The following TFPI variants were observed in gnomAD, a reference collection of about 807,000 sequenced individuals.
The protein encoded by TFPI is tissue factor pathway inhibitor.
In TFPI, 15 loss-of-function variants were observed where a neutral mutation model predicts 34.6. That is an observed-to-expected ratio of 0.43 (90% CI 0.29 to 0.67). TFPI has a LOEUF of 0.67. Among genes scored for constraint, TFPI ranks in the 30% least tolerant of loss-of-function variants. TFPI has a pLI of 0.15. For synonymous variants in TFPI, 105 were observed against 120.1 expected, an observed-to-expected ratio of 0.87 and a Z score of 0.82; for missense variants, 301 against 364.0, an observed-to-expected ratio of 0.83 and a Z score of 1.41.
chr2:187,511,066 G>A (rs2349653), intron 1 of TFPI, among the ~76,000 whole-genome samples: 82,040 of 151,988 alleles, frequency 0.54, 23,770 homozygotes, highest in East Asian at 0.8. Flanking sequence ...CAGCTTGAGC[G>A]ATGCAGATCC....
At chr2:187,491,335 C>T (rs1333641075) in intron 3 of TFPI, among the ~76,000 whole-genome samples, 1 of 151,798 alleles carries the variant, frequency 6.6e-6, no homozygotes, top group African/African-American at 2.4e-5. Context: ...TTTCTCATTC[C>T]CCAGTTCCCT....
chr2:187,498,288 G>A (rs1179251223), intron 2 of TFPI, among the ~76,000 whole-genome samples: 1 of 151,644 alleles, frequency 6.6e-6, no homozygotes, highest in African/African-American at 2.4e-5. Flanking sequence ...TTCAAAATGT[G>A]AATTTTTTGA....
At chr2:187,539,343 A>T (rs2106293810) in intron 1 of TFPI, among the ~76,000 whole-genome samples, 1 of 152,260 alleles carries the variant, frequency 6.6e-6, no homozygotes, top group East Asian at 1.9e-4. Flanking sequence ...AAATATATTG[A>T]TGTTATTTTA....
intron 3 of TFPI, among the ~76,000 whole-genome samples, chr2:187,496,177 C>A (rs188737098): frequency 7.2e-5 from 11 of 152,054 alleles, no homozygotes; most frequent in Admixed American, 5.9e-4. Context: ...GATGATTTTT[C>A]TTTTCTATGG....
At chr2:187,507,635 T>C (rs1686318686) in intron 1 of TFPI, among the ~76,000 whole-genome samples, 1 of 152,330 alleles carries the variant, frequency 6.6e-6, no homozygotes, top group South Asian at 2.1e-4. Context: ...CCTGTTAATA[T>C]CCTTCGTCCA....
chr2:187,516,305 CAT>C (rs2106186129), intron 1 of TFPI: 1 of 152,314 alleles, frequency 6.6e-6, no homozygotes, highest in African/African-American at 2.4e-5. Flanking sequence ...AAAACTGGCA[CAT>C]GTGCCCTTGC....
chr2:187,484,440 T>A, intron 5 of TFPI: 1 of 540,634 alleles, frequency 1.8e-6, no homozygotes, highest in Non-Finnish European at 3.2e-6. Context: ...GTTTAAGTCA[T>A]CCCTTTAATA....
chr2:187,524,120 A>G (rs1234613770), intron 1 of TFPI, among the ~76,000 whole-genome samples: 1 of 152,078 alleles, frequency 6.6e-6, no homozygotes, highest in Non-Finnish European at 1.5e-5. Flanking sequence ...TTATAGTATA[A>G]ATATACCAAA....
intron 1 of TFPI, among the ~76,000 whole-genome samples, chr2:187,553,468 A>T (rs1284909945): frequency 6.6e-6 from 1 of 151,944 alleles, no homozygotes; most frequent in Non-Finnish European, 1.5e-5. Flanking sequence ...CTCTCATTAT[A>T]TTTCTGTGGT....
At chr2:187,492,926 T>TG (rs1420449134) in intron 3 of TFPI, among the ~76,000 whole-genome samples, 3 of 152,126 alleles carry the variant, frequency 2.0e-5, no homozygotes, top group African/African-American at 7.2e-5. Context: ...TGGGAAGGCA[T>TG]GATCAGTTTT....
At chr2:187,524,042 A>C (rs1368123694) in intron 1 of TFPI, among the ~76,000 whole-genome samples, 1 of 152,094 alleles carries the variant, frequency 6.6e-6, no homozygotes, top group African/African-American at 2.4e-5. Context: ...TTCACTTAGC[A>C]TACTGTTTTC....
intron 1 of TFPI, chr2:187,547,659 C>G (rs1688939394): frequency 6.6e-6 from 1 of 152,120 alleles, no homozygotes; most frequent in African/African-American, 2.4e-5. Flanking sequence ...TCCATCCAAA[C>G]AGAAGAAAAC....
At chr2:187,521,231 T>C (rs1687354240) in intron 1 of TFPI, among the ~76,000 whole-genome samples, 1 of 152,136 alleles carries the variant, frequency 6.6e-6, no homozygotes, top group African/African-American at 2.4e-5. Context: ...CTGGCTTATT[T>C]TACTTAGTAT....
At chr2:187,535,291 C>T (rs1688190237) in intron 1 of TFPI, among the ~76,000 whole-genome samples, 1 of 152,182 alleles carries the variant, frequency 6.6e-6, no homozygotes. Context: ...ATATATTCTT[C>T]TCAGCACCAC....
chr2:187,491,235 C>T (rs1173231051), intron 3 of TFPI, among the ~76,000 whole-genome samples: 2 of 151,480 alleles, frequency 1.3e-5, no homozygotes, highest in East Asian at 1.9e-4. Context: ...GCTAGAAGTA[C>T]GATTTTGTTA....
At chr2:187,546,137 A>G (rs1465486850) in intron 1 of TFPI, among the ~76,000 whole-genome samples, 3 of 152,144 alleles carry the variant, frequency 2.0e-5, no homozygotes, top group Non-Finnish European at 4.4e-5. Flanking sequence ...GAAACACATA[A>G]TAAAGGAAAT....
At position 187,539,947 on chromosome 2, in the gene TFPI, G is replaced by A. The variant is rs562195450; in HGVS notation, c.-3+14253C>T. On this transcript the variant is annotated intron_variant, in intron 1 of 7. Transcript: ENST00000233156. ...CGGAGCCTCGCTCTGTCACCAGGCT[G>A]GAGTGCAGTGGCTCGATCTCGGCTC... is the stretch of plus-strand genomic sequence containing the variant. Among the ~76,000 whole-genome samples the A allele has an allele frequency of 1.4e-4, 21 of 147,752 alleles. No individual in the cohort carries two copies. In the East Asian group the frequency reaches 3.4e-3, roughly 24 times the overall value.
At chr2:187,514,846 G>A (rs1686886812) in intron 1 of TFPI, 2 of 152,230 alleles carry the variant, frequency 1.3e-5, no homozygotes, top group Admixed American at 1.3e-4. Flanking sequence ...TCAATTTAAA[G>A]CCCAAAATCA....
intron 1 of TFPI, among the ~76,000 whole-genome samples, chr2:187,545,290 T>C (rs981835998): frequency 2.0e-5 from 3 of 152,128 alleles, no homozygotes; most frequent in African/African-American, 7.2e-5. Flanking sequence ...GAAATAGCAA[T>C]ACCAGGCAAA....
Sources: gnomAD v4.1 joint callset for allele counts (sites outside exome capture counted in the v4.1 genomes callset) on GRCh38, gnomAD v4.1.1 for gene constraint, MANE v1.5 for transcripts, NCBI Gene and HGNC (gene_info 2026-07-23, HGNC 2026-07-21) for gene names.